Variants in GDPD1 observed in about 807,000 individuals in gnomAD.
The protein encoded by GDPD1 is glycerophosphodiester phosphodiesterase domain containing 1.
GDPD1 carries 28 observed loss-of-function variants against 45.1 expected under a neutral mutation model. The observed-to-expected ratio is 0.62, with a 90% CI of 0.46 to 0.85. GDPD1 has a LOEUF of 0.85. Among genes scored for constraint, GDPD1 ranks in the 40% least tolerant of loss-of-function variants. GDPD1 has a pLI of 0.00. For missense variants in GDPD1, 256 were observed against 364.8 expected, an observed-to-expected ratio of 0.70 and a Z score of 2.43; for synonymous variants, 139 against 131.4, an observed-to-expected ratio of 1.06 and a Z score of -0.40.
intron 1 of GDPD1, among the ~76,000 whole-genome samples, chr17:59,233,965 C>T (rs1269454639): frequency 2.0e-5 from 3 of 152,070 alleles, no homozygotes; most frequent in East Asian, 1.9e-4. Flanking sequence ...TGGGTTCTAT[C>T]CCCAAGATCT....
chr17:59,267,062 T>C lies in GDPD1; in HGVS notation c.598T>C (p.Phe200Leu). Residue 200 changes from phenylalanine to leucine, a missense_variant, in exon 7 of 10, where the codon TTC becomes CTC. Phe to Leu is a conservative substitution (Grantham distance 22, BLOSUM62 0). Coordinates refer to ENST00000284116, the MANE Select transcript of GDPD1 (RefSeq NM_182569.4). ...YKENSDIPILFSLQRVLLILG... is the reference protein window; with the variant it reads ...YKENSDIPILLSLQRVLLILG... ...TTAGAATTCAGATATTCCTATACTC[T>C]TCAGTCTACAACGTGTCCTGCTCAT... 6.2e-7 allele frequency: 1 copy of C among 1,612,680 alleles called. No individual in the cohort carries two copies. The highest frequency in any genetic ancestry group is 8.5e-7 in the Non-Finnish European group (1 of 1,178,710).
intron 2 of GDPD1, among the ~76,000 whole-genome samples, chr17:59,236,421 A>AT (rs1568340300): frequency 2.9e-4 from 44 of 152,006 alleles, no homozygotes; most frequent in African/African-American, 8.7e-4. Flanking sequence ...ACTTAAAAAA[A>AT]ATTTTTTGGA....
rs1409474680 is a variant in GDPD1 at position 59,255,791 on chromosome 17, ATATATG to A, written c.368-1325_368-1320del. Among the ~76,000 whole-genome samples the A allele has an allele frequency of 1.7e-4, 11 of 65,470 alleles. 1 individual carries two copies. The highest frequency in any genetic ancestry group is 4.1e-4 in the East Asian group (1 of 2,450). The allele number at this position is 65,470 out of a possible 152,430, so 43.0% of individuals were successfully genotyped here. ...TATATATATATATATATATACGCGT[ATATATG>A]TATATATATATATACGCGTATATAT... On this transcript the variant is annotated intron_variant, in intron 4 of 9. Coordinates refer to ENST00000284116, the MANE Select transcript of GDPD1 (RefSeq NM_182569.4).
At chr17:59,228,345 C>A (rs2047063772) in intron 1 of GDPD1, among the ~76,000 whole-genome samples, 1 of 152,112 alleles carries the variant, frequency 6.6e-6, no homozygotes, top group South Asian at 2.1e-4. Context: ...AACCACTAGA[C>A]TATACTGCCT....
chr17:59,246,483 C>T (rs1406406671), intron 3 of GDPD1, among the ~76,000 whole-genome samples: 1 of 151,384 alleles, frequency 6.6e-6, no homozygotes, highest in East Asian at 2.0e-4. Flanking sequence ...GCCGGGCAGA[C>T]AGATCACCTG....
chr17:59,221,504 A>T (rs1475328387), intron 1 of GDPD1, among the ~76,000 whole-genome samples: 4 of 151,606 alleles, frequency 2.6e-5, no homozygotes, highest in Non-Finnish European at 5.9e-5. Context: ...TGGATTTTCA[A>T]CAGACTAAAA....
intron 7 of GDPD1, among the ~76,000 whole-genome samples, chr17:59,267,410 A>G (rs1168770732): frequency 1.3e-5 from 2 of 152,174 alleles, no homozygotes; most frequent in Non-Finnish European, 2.9e-5. Flanking sequence ...AATCAGATAA[A>G]AGGAATTTAA....
chr17:59,248,671 T>G (rs1057110286), intron 3 of GDPD1, 69 bp from the exon 4 acceptor site: 1 of 1,101,844 alleles, frequency 9.1e-7, no homozygotes, highest in Non-Finnish European at 1.4e-6. Flanking sequence ...CTTTGTGTCT[T>G]AATGTAACAC....
intron 7 of GDPD1, among the ~76,000 whole-genome samples, chr17:59,269,928 ATAT>A (rs1244145535): frequency 6.6e-6 from 1 of 152,150 alleles, no homozygotes; most frequent in Non-Finnish European, 1.5e-5. Context: ...TTAGAAGCAA[ATAT>A]TGTTGAAATA....
chr17:59,261,457 C>G (rs2047354613), intron 6 of GDPD1, among the ~76,000 whole-genome samples: 1 of 151,878 alleles, frequency 6.6e-6, no homozygotes, highest in Non-Finnish European at 1.5e-5. Flanking sequence ...TTACAAAAAC[C>G]TATAAATGAT....
intron 2 of GDPD1, among the ~76,000 whole-genome samples, chr17:59,240,797 C>G (rs987427330): frequency 2.6e-5 from 4 of 152,066 alleles, no homozygotes; most frequent in Non-Finnish European, 5.9e-5. Context: ...TTCATGTTGC[C>G]TAAGTATACA....
intron 2 of GDPD1, among the ~76,000 whole-genome samples, chr17:59,241,928 G>GA (rs910255989): frequency 7.2e-5 from 11 of 151,880 alleles, no homozygotes; most frequent in Non-Finnish European, 4.4e-5. Flanking sequence ...AACTCCGTCT[G>GA]AAAAAATAAA....
At chr17:59,270,628 A>C (rs570591717) in intron 7 of GDPD1, among the ~76,000 whole-genome samples, 1 of 152,288 alleles carries the variant, frequency 6.6e-6, no homozygotes, top group Admixed American at 6.5e-5. Flanking sequence ...AGATTTCACC[A>C]AAAAAGAAAC....
intron 6 of GDPD1, among the ~76,000 whole-genome samples, chr17:59,261,875 C>T (rs2047358101): frequency 6.7e-6 from 1 of 149,092 alleles, no homozygotes; most frequent in African/African-American, 2.5e-5. Context: ...CTCAAGCAAT[C>T]CTCTTGTCTC....
chr17:59,236,287 T>A (rs1229199792), intron 2 of GDPD1, among the ~76,000 whole-genome samples: 1 of 152,218 alleles, frequency 6.6e-6, no homozygotes, highest in Non-Finnish European at 1.5e-5. Context: ...ATATCTAATT[T>A]AAATGGTTTT....
rs757087950 is a variant in GDPD1 at position 59,267,218 on chromosome 17, GA to G, written c.710+47del. On this transcript the variant is annotated intron_variant, in intron 7 of 9. Transcript: ENST00000284116. ...ATTTTAAAATCAATTATCAATTACAGAAAGACTAAGATAAAAGCTCACTAAT... is the reference window on the plus strand; with the variant it reads ...ATTTTAAAATCAATTATCAATTACAGAAGACTAAGATAAAAGCTCACTAAT... 8 of 1,530,050 alleles carry G rather than the reference GA, an allele frequency of 5.2e-6. No homozygotes were observed. The South Asian group carries it at 8.1e-5, about 15-fold the overall frequency. The allele number at this position is 1,530,050 out of a possible 1,614,324, so 94.8% of individuals were successfully genotyped here. A position where few individuals can be genotyped will look rare whatever the true frequency, so the allele number is the denominator to read the frequency against.
intron 1 of GDPD1, among the ~76,000 whole-genome samples, chr17:59,224,494 G>C (rs150139889): frequency 6.6e-6 from 1 of 151,780 alleles, no homozygotes; most frequent in African/African-American, 2.4e-5. Context: ...GCGTGGTGGC[G>C]GGCGCCTGTA....
chr17:59,234,051 G>C (rs940893859), intron 1 of GDPD1, among the ~76,000 whole-genome samples: 2 of 152,024 alleles, frequency 1.3e-5, no homozygotes, highest in Non-Finnish European at 2.9e-5. Flanking sequence ...CAAGCATTTT[G>C]GATAAGGGAT....
chr17:59,245,141 A>C (rs1339439012), intron 2 of GDPD1, among the ~76,000 whole-genome samples: 1 of 152,244 alleles, frequency 6.6e-6, no homozygotes, highest in Admixed American at 6.5e-5. Context: ...AGGAATTAAT[A>C]TCAAATCTCT....
Sources: gnomAD v4.1 joint callset for allele counts (sites outside exome capture counted in the v4.1 genomes callset) on GRCh38, gnomAD v4.1.1 for gene constraint, MANE v1.5 for transcripts, NCBI Gene and HGNC (gene_info 2026-07-23, HGNC 2026-07-21) for gene names.